GARIN2: variants seen among roughly 807,000 people sequenced by gnomAD.
GARIN2 encodes the protein golgi associated RAB2 interactor family member 2.
chr14:67,198,588 T>C, the GARIN2 span, among the ~76,000 whole-genome samples: 2 of 152,232 alleles, frequency 1.3e-5, no homozygotes, highest in African/African-American at 4.8e-5. Context: ...CAAAATTACA[T>C]GAAGCCGTTT....
the GARIN2 span, chr14:67,221,943 TGCTCCATTCTGAGAATCCTATACTGAA>T: frequency 1.8e-6 from 2 of 1,089,516 alleles, no homozygotes; most frequent in Non-Finnish European, 2.6e-6. Context: ...TTCTTCACTA[TGCTCCATTCTGAGAATCCTATACTGAA>T]GAAACTCTTT....
chr14:67,204,050 G>A, the GARIN2 span, among the ~76,000 whole-genome samples: 1 of 152,090 alleles, frequency 6.6e-6, no homozygotes, highest in African/African-American at 2.4e-5. Context: ...TTAGGCATAT[G>A]ATTAAGATGA....
chr14:67,226,608 G>A, the GARIN2 span, among the ~76,000 whole-genome samples: 22,494 of 152,016 alleles, frequency 0.15, 3,108 homozygotes, highest in East Asian at 0.42. Context: ...TGATCCGCCC[G>A]CCTCAGCCTC....
the GARIN2 span, among the ~76,000 whole-genome samples, chr14:67,204,062 A>G: frequency 2.0e-5 from 3 of 152,120 alleles, no homozygotes; most frequent in African/African-American, 7.2e-5. Flanking sequence ...TTAAGATGAG[A>G]TGGTTCTCAG....
At chr14:67,225,319 C>A in the GARIN2 span, 37 of 1,269,692 alleles carry the variant, frequency 2.9e-5, no homozygotes, top group Non-Finnish European at 3.4e-5. Context: ...ATGATACTGT[C>A]ACACAAAAAA....
chr14:67,193,743 G>A, the GARIN2 span, among the ~76,000 whole-genome samples: 13 of 144,648 alleles, frequency 9.0e-5, no homozygotes, highest in East Asian at 2.3e-3. Context: ...AGGAGTTTGA[G>A]ACCAGCCTGG....
chr14:67,200,644 A>G, the GARIN2 span: 4 of 169,410 alleles, frequency 2.4e-5, no homozygotes, highest in Admixed American at 6.5e-5. Context: ...CCAGTATACC[A>G]TAGGCAGGAG....
chr14:67,203,427 G>C, the GARIN2 span: 1 of 694,478 alleles, frequency 1.4e-6, no homozygotes, highest in Non-Finnish European at 2.3e-6. Flanking sequence ...AAATGACAAA[G>C]AGGAGCATCC....
chr14:67,223,858 C>G, the GARIN2 span: 1 of 985,650 alleles, frequency 1.0e-6, no homozygotes, highest in East Asian at 1.1e-4. Flanking sequence ...TCTCACTTAA[C>G]ACCCTGTACC....
chr14:67,192,903 GAT>G, the GARIN2 span, among the ~76,000 whole-genome samples: 9 of 138,364 alleles, frequency 6.5e-5, no homozygotes, highest in East Asian at 2.1e-4. Flanking sequence ...TCGATATCTA[GAT>G]ATATATAGAT....
chr14:67,192,177 T>C, the GARIN2 span, among the ~76,000 whole-genome samples: 1 of 152,172 alleles, frequency 6.6e-6, no homozygotes, highest in Non-Finnish European at 1.5e-5. Context: ...GGACATTGAA[T>C]GGGCCTAGCA....
the GARIN2 span, among the ~76,000 whole-genome samples, chr14:67,191,507 C>G: frequency 8.5e-5 from 13 of 152,200 alleles, no homozygotes; most frequent in Non-Finnish European, 1.6e-4. Context: ...TTCCCACTCT[C>G]TCCCCTTCCC....
the GARIN2 span, chr14:67,204,580 G>A: frequency 5.2e-5 from 84 of 1,613,510 alleles, no homozygotes; most frequent in Non-Finnish European, 7.0e-5. Flanking sequence ...GCATGATGCG[G>A]AGAACATGAG....
At chr14:67,206,763 C>T in the GARIN2 span, among the ~76,000 whole-genome samples, 1 of 151,920 alleles carries the variant, frequency 6.6e-6, no homozygotes, top group African/African-American at 2.4e-5. Flanking sequence ...GACAGTCTCA[C>T]TCCGTTGCCC....
chr14:67,227,985 C>G, the GARIN2 span, among the ~76,000 whole-genome samples: 1 of 152,046 alleles, frequency 6.6e-6, no homozygotes, highest in Non-Finnish European at 1.5e-5. Context: ...GCCTGGCCAA[C>G]ATGGTGAAAC....
At chr14:67,199,407 T>C in the GARIN2 span, 6 of 1,613,724 alleles carry the variant, frequency 3.7e-6, no homozygotes, top group Non-Finnish European at 5.1e-6. Flanking sequence ...GAGAAGTTGC[T>C]TTATGATACT....
the GARIN2 span, among the ~76,000 whole-genome samples, chr14:67,212,873 C>T: frequency 6.6e-6 from 1 of 150,444 alleles, no homozygotes; most frequent in African/African-American, 2.5e-5. Context: ...TTTTCACAAT[C>T]CCAGAGCCTC....
the GARIN2 span, among the ~76,000 whole-genome samples, chr14:67,196,301 C>T: frequency 6.6e-4 from 100 of 151,922 alleles, no homozygotes; most frequent in African/African-American, 2.4e-3. Flanking sequence ...ACTGCAACCT[C>T]CACCTCTCAT....
the GARIN2 span, chr14:67,198,006 A>C: frequency 1.3e-6 from 1 of 777,644 alleles, no homozygotes; most frequent in Non-Finnish European, 2.0e-6. Flanking sequence ...GTATTAATAC[A>C]AGTGCCTGGT....
Sources: allele counts gnomAD v4.1 joint callset (sites outside exome capture counted in the v4.1 genomes callset), GRCh38; gene constraint gnomAD v4.1.1; transcripts MANE v1.5; gene names NCBI Gene and HGNC (gene_info 2026-07-23, HGNC 2026-07-21).